SEMA4D: variants seen among roughly 807,000 people sequenced by gnomAD.
SEMA4D encodes the protein semaphorin 4D.
In SEMA4D, 22 loss-of-function variants were observed where a neutral mutation model predicts 74.8. That is an observed-to-expected ratio of 0.29 (90% CI 0.21 to 0.42). The LOEUF is 0.42. Among genes scored for constraint, SEMA4D ranks in the 10% least tolerant of loss-of-function variants. The probability of loss-of-function intolerance (pLI) is 1.00; values close to 1 mark genes in which losing one functional copy is unlikely to be tolerated. For missense variants in SEMA4D, 937 were observed against 1,118.4 expected (o/e 0.84, Z 2.31); for synonymous variants, 445 against 463.7 (o/e 0.96, Z 0.52).
intron 1 of SEMA4D, among the ~76,000 whole-genome samples, chr9:89,477,710 G>A (rs1377587634): frequency 6.6e-6 from 1 of 152,136 alleles, no homozygotes; most frequent in Non-Finnish European, 1.5e-5. Context: ...AGAAAGGCAG[G>A]TTGTTTATGG....
chr9:89,467,264 C>G (rs1273684288), intron 1 of SEMA4D, among the ~76,000 whole-genome samples: 5 of 152,176 alleles, frequency 3.3e-5, no homozygotes, highest in African/African-American at 1.2e-4. Context: ...CTCCTTACAC[C>G]GTAGAACCTG....
chr9:89,493,235 CAGA>C (rs1486321209), intron 1 of SEMA4D, among the ~76,000 whole-genome samples: 1 of 152,196 alleles, frequency 6.6e-6, no homozygotes, highest in East Asian at 1.9e-4. Flanking sequence ...TGTGGGCCCT[CAGA>C]AGGAGGGGGC....
chr9:89,485,722 A>G (rs1434225623), intron 1 of SEMA4D, among the ~76,000 whole-genome samples: 1 of 136,526 alleles, frequency 7.3e-6, no homozygotes, highest in African/African-American at 2.7e-5. Flanking sequence ...TGGGAGGCAG[A>G]GGTTGCAGTG....
chr9:89,446,266 G>A (rs1587951184), intron 2 of SEMA4D, among the ~76,000 whole-genome samples: 1 of 152,260 alleles, frequency 6.6e-6, no homozygotes, highest in East Asian at 1.9e-4. Context: ...TGCATTTGGG[G>A]CCCACCAGAT....
rs562853485 is a variant in SEMA4D at position 89,452,691 on chromosome 9, G to T, written c.-244+3197C>A. 1.7e-4 allele frequency among the ~76,000 whole-genome samples: 26 copies of T among 152,286 alleles called. 1 individual carries two copies. The highest frequency in any genetic ancestry group is 6.3e-4 in the African/African-American group (26 of 41,540). ...TGGTCTTGAACTCCCCACCTCAGAT[G>T]ATCTACCCACCTCGGCCTCCCAAAG... On this transcript the variant is annotated intron_variant, in intron 2 of 15. Transcript: ENST00000422704.
chr9:89,361,115 AGACT>A (rs775199211), exon 19 of SEMA4D: 1 of 152,252 alleles, frequency 6.6e-6, no homozygotes, highest in Non-Finnish European at 1.5e-5. Context: ...TCCGTGAGCA[AGACT>A]GGCATCCTTG....
At chr9:89,419,175 A>G (rs1180252998) in intron 2 of SEMA4D, among the ~76,000 whole-genome samples, 1 of 152,206 alleles carries the variant, frequency 6.6e-6, no homozygotes, top group Non-Finnish European at 1.5e-5. Flanking sequence ...CCGCGAGGGC[A>G]GTGATCAGAA....
chr9:89,487,911 A>C (rs192397540), intron 1 of SEMA4D, among the ~76,000 whole-genome samples: 29 of 152,346 alleles, frequency 1.9e-4, no homozygotes, highest in Admixed American at 1.0e-3. Context: ...ATATTGTTAC[A>C]ATGTTTTTTC....
At chr9:89,436,000 C>T (rs1850322094) in intron 2 of SEMA4D, among the ~76,000 whole-genome samples, 2 of 151,994 alleles carry the variant, frequency 1.3e-5, no homozygotes, top group Non-Finnish European at 2.9e-5. Context: ...CCCCCCACCC[C>T]CAAATCACAG....
At chr9:89,373,992 G>T (rs752912345), downstream of SEMA4D, among the ~76,000 whole-genome samples, 3 of 152,214 alleles carry the variant, frequency 2.0e-5, no homozygotes, top group Non-Finnish European at 4.4e-5. Context: ...TGCCCATGAT[G>T]CCCTGGCCTC....
chr9:89,462,426 TAAC>T (rs1181337204), intron 1 of SEMA4D, among the ~76,000 whole-genome samples: 3 of 152,342 alleles, frequency 2.0e-5, no homozygotes, highest in South Asian at 2.1e-4. Context: ...TCTTCCTTTA[TAAC>T]AACATTGATG....
At chr9:89,371,982 CTGGGGTGTGGTGTGTGTCTG>C (rs1835026212) in intron 16 of SEMA4D, among the ~76,000 whole-genome samples, 4 of 3,370 alleles carry the variant, frequency 1.2e-3, no homozygotes, top group Admixed American at 6.1e-3. Flanking sequence ...TGGTGTGTGT[CTGGGGTGTGGTGTGTGTCTG>C]GGGTGTGGTG....
intron 2 of SEMA4D, chr9:89,450,796 C>A: frequency 1.2e-6 from 1 of 817,208 alleles, no homozygotes; most frequent in Non-Finnish European, 2.0e-6. Flanking sequence ...TGCCTCATCC[C>A]CTTCCCACCA....
intron 2 of SEMA4D, among the ~76,000 whole-genome samples, chr9:89,426,491 G>A (rs184107454): frequency 1.5e-3 from 229 of 152,268 alleles, no homozygotes; most frequent in Middle Eastern, 0.01. Flanking sequence ...TAGCAACAGC[G>A]TGGCAAACCC....
chr9:89,416,324 T>C (rs994972072), intron 2 of SEMA4D, among the ~76,000 whole-genome samples: 1 of 152,190 alleles, frequency 6.6e-6, no homozygotes, highest in African/African-American at 2.4e-5. Context: ...CAGTAAAATG[T>C]GCAACCAAAG....
intron 13 of SEMA4D, 29 bp downstream of exon 13, chr9:89,386,338 C>T (rs758891667): frequency 1.3e-6 from 2 of 1,539,600 alleles, no homozygotes; most frequent in South Asian, 1.1e-5. Context: ...GCGGAGAAGC[C>T]CCCGGTCCAG....
chr9:89,444,005 CAG>C (rs1253719234), intron 2 of SEMA4D, among the ~76,000 whole-genome samples: 3 of 152,236 alleles, frequency 2.0e-5, no homozygotes, highest in African/African-American at 7.2e-5. Flanking sequence ...CCACCACGGG[CAG>C]AGTCAGGGCA....
intron 2 of SEMA4D, among the ~76,000 whole-genome samples, chr9:89,413,951 C>T (rs1845119061): frequency 6.6e-6 from 1 of 152,212 alleles, no homozygotes; most frequent in South Asian, 2.1e-4. Flanking sequence ...GCAGAACATA[C>T]ATTCTGATCT....
chr9:89,365,327 TCTCC>T (rs1208946212), intron 16 of SEMA4D: 1 of 152,198 alleles, frequency 6.6e-6, no homozygotes, highest in African/African-American at 2.4e-5. Context: ...GCTGCTTCTG[TCTCC>T]CTCAGGCACA....
Sources: allele counts gnomAD v4.1 joint callset (sites outside exome capture counted in the v4.1 genomes callset), GRCh38; gene constraint gnomAD v4.1.1; transcripts MANE v1.5; gene names NCBI Gene and HGNC (gene_info 2026-07-23, HGNC 2026-07-21).